LRRIQ3: variants seen among roughly 807,000 people sequenced by gnomAD.
The protein encoded by LRRIQ3 is leucine-rich repeat and IQ domain-containing protein 3.
Under a neutral mutation model 59.3 loss-of-function variants are expected in LRRIQ3, and 75 were observed. The observed-to-expected ratio is 1.26, with a 90% CI of 1.05 to 1.53. LRRIQ3 has a LOEUF of 1.53. Ranked by LOEUF, LRRIQ3 falls within the 40% of genes most tolerant of loss-of-function variation. LRRIQ3 has a pLI of 0.00. For synonymous variants in LRRIQ3, 250 were observed against 231.3 expected (o/e 1.08, Z -0.73); for missense variants, 831 against 710.0 (o/e 1.17, Z -1.94).
chr1:74,176,712 G>A (rs912031820), intron 3 of LRRIQ3, among the ~76,000 whole-genome samples: 5 of 152,044 alleles, frequency 3.3e-5, no homozygotes, highest in African/African-American at 1.2e-4. Context: ...AGCTTTAGGG[G>A]TAGCCTTGTT....
chr1:74,162,731 G>A (rs1164473934), intron 3 of LRRIQ3, among the ~76,000 whole-genome samples: 3 of 151,478 alleles, frequency 2.0e-5, no homozygotes, highest in Admixed American at 6.6e-5. Context: ...TTAGTTCTAC[G>A]ATCTAGTCCA....
rs183053174 is a variant in LRRIQ3 at position 74,184,714 on chromosome 1, G to T, written c.1-1030C>A. 1.2e-3 allele frequency among the ~76,000 whole-genome samples: 183 copies of T among 152,242 alleles called. 1 individual carries two copies. Among genetic ancestry groups the T allele is most frequent in the African/African-American group, 4.3e-3 (180 of 41,554 alleles). On this transcript the variant is annotated intron_variant, in intron 1 of 7. Transcript: ENST00000354431. ...CTGTATCAGAATTTCTGGGCTAAGG[G>T]CATAGGAATAATGTTAACAGGTGAT...
intron 4 of LRRIQ3, among the ~76,000 whole-genome samples, chr1:74,136,624 A>T (rs1312467023): frequency 6.6e-6 from 1 of 152,022 alleles, no homozygotes; most frequent in Non-Finnish European, 1.5e-5. Context: ...TAATGTGAGC[A>T]TTAATGAGTT....
rs1570271788 is a variant in LRRIQ3 at position 74,182,318 on chromosome 1, A to C, written c.573+220T>G. ...TTAAAAAACAAAAATTTGTTTCTCT[A>C]CAATTTGATCATTTCAGGCTTTGTT... On this transcript the variant is annotated intron_variant, in intron 3 of 7. Transcript: ENST00000354431. The C allele has an allele frequency of 1.4e-5, 4 of 281,932 alleles. No homozygotes were observed. The East Asian group carries it at 2.5e-4, about 17-fold the overall frequency. 17.5% of individuals were successfully genotyped at this position (281,932 alleles called of 1,614,324 possible). A position where few individuals can be genotyped will look rare whatever the true frequency, so the allele number is the denominator to read the frequency against.
At chr1:74,101,061 G>A (rs959247278) in intron 5 of LRRIQ3, among the ~76,000 whole-genome samples, 6 of 152,088 alleles carry the variant, frequency 3.9e-5, no homozygotes, top group Non-Finnish European at 5.9e-5. Context: ...TGACAAATGG[G>A]ATCTAATTGA....
chr1:74,109,093 T>G (rs1458871735), intron 5 of LRRIQ3: 1 of 192,904 alleles, frequency 5.2e-6, no homozygotes. Flanking sequence ...ATTTATGTTT[T>G]CAATCACTGA....
At chr1:74,091,083 TG>T (rs560790004) in intron 5 of LRRIQ3, among the ~76,000 whole-genome samples, 366 of 152,202 alleles carry the variant, frequency 2.4e-3, no homozygotes, top group Non-Finnish European at 4.1e-3. Flanking sequence ...ATAACTTTGG[TG>T]GCTCAAGGAG....
At chr1:74,087,667 T>G (rs1646343704) in intron 5 of LRRIQ3, among the ~76,000 whole-genome samples, 1 of 152,116 alleles carries the variant, frequency 6.6e-6, no homozygotes, top group African/African-American at 2.4e-5. Context: ...TTGATACTTA[T>G]ATCTATAAAT....
intron 5 of LRRIQ3, 110 bp downstream of exon 5, chr1:74,109,284 T>C: frequency 1.3e-6 from 1 of 781,828 alleles, no homozygotes; most frequent in Non-Finnish European, 2.1e-6. Context: ...ATATTAACAA[T>C]GTAATGAAGG....
chr1:74,059,063 G>A (rs1248699175), intron 6 of LRRIQ3, among the ~76,000 whole-genome samples: 1 of 151,690 alleles, frequency 6.6e-6, no homozygotes, highest in Admixed American at 6.6e-5. Flanking sequence ...GGCCAAAGAT[G>A]TTGTAAGATA....
In LRRIQ3 at chr1:74,026,411, C is replaced by G. The variant is rs1488605985; in HGVS notation, c.*402G>C. The G allele has an allele frequency of 6.5e-6, 1 of 153,732 alleles. No individual in the cohort carries two copies. The highest frequency in any genetic ancestry group is 2.4e-5 in the African/African-American group (1 of 41,440). 9.5% of individuals were successfully genotyped at this position (153,732 alleles called of 1,614,324 possible). A position where few individuals can be genotyped will look rare whatever the true frequency, so the allele number is the denominator to read the frequency against. ...AAAAGCAGGTAATAAAAGTCATCAA[C>G]GTACACAGTGTCTTAATAAAAGTCA... On this transcript the variant is annotated 3_prime_UTR_variant, in exon 8 of 8. Transcript: ENST00000354431.
At chr1:74,064,717 T>C (rs1654820921) in intron 6 of LRRIQ3, among the ~76,000 whole-genome samples, 1 of 152,058 alleles carries the variant, frequency 6.6e-6, no homozygotes, top group Admixed American at 6.6e-5. Context: ...TTTAAGAATC[T>C]TGGTTGATAG....
chr1:74,086,915 T>A (rs964116989), intron 5 of LRRIQ3, among the ~76,000 whole-genome samples: 1 of 152,088 alleles, frequency 6.6e-6, no homozygotes, highest in Non-Finnish European at 1.5e-5. Flanking sequence ...TTCTACACTA[T>A]CTTGTCATCT....
chr1:74,098,979 A>G (rs1373208586), intron 5 of LRRIQ3, among the ~76,000 whole-genome samples: 1 of 152,210 alleles, frequency 6.6e-6, no homozygotes, highest in Admixed American at 6.5e-5. Context: ...ACACCCGAAC[A>G]TCACAATGAA....
chr1:74,187,353 TACACAC>T (rs58321456), intron 1 of LRRIQ3, among the ~76,000 whole-genome samples: 2,883 of 55,324 alleles, frequency 0.052, 38 homozygotes, highest in Middle Eastern at 0.11. Flanking sequence ...GGTATATGTT[TACACAC>T]ACACACACAC....
intron 7 of LRRIQ3, among the ~76,000 whole-genome samples, chr1:74,040,828 T>C (rs1654021533): frequency 1.3e-5 from 2 of 152,064 alleles, no homozygotes; most frequent in African/African-American, 2.4e-5. Flanking sequence ...ATACCTACAT[T>C]GGAAAGCTGG....
At chr1:74,098,165 C>T (rs1646475062) in intron 5 of LRRIQ3, among the ~76,000 whole-genome samples, 1 of 136,360 alleles carries the variant, frequency 7.3e-6, no homozygotes. Flanking sequence ...AGACTCATCT[C>T]ACATGCAGAG....
At chr1:74,144,549 T>TA (rs5775227) in intron 4 of LRRIQ3, 38,084 of 139,798 alleles carry the variant, frequency 0.27, 5,860 homozygotes, top group Non-Finnish European at 0.34. Flanking sequence ...TAACAGTCTG[T>TA]AAAAAAAAAA....
Position 74,119,485 on chromosome 1 carries a change from A to G in LRRIQ3, c.708-9932T>C, listed in dbSNP as rs76049190. Among the ~76,000 whole-genome samples, 19 of 152,166 alleles carry G rather than the reference A, an allele frequency of 1.2e-4. No homozygotes were observed. In the East Asian group the frequency reaches 3.7e-3, roughly 29 times the overall value. On this transcript the variant is annotated intron_variant, in intron 4 of 7. Coordinates refer to ENST00000354431, the MANE Select transcript of LRRIQ3 (RefSeq NM_001105659.2). ...TATTCTTTTGAAAGTAGTTAAATAC[A>G]TTTTCTCCATATATAGGTCACTTAC...
Sources: gnomAD v4.1 joint callset for allele counts (sites outside exome capture counted in the v4.1 genomes callset) on GRCh38, gnomAD v4.1.1 for gene constraint, MANE v1.5 for transcripts, NCBI Gene and HGNC (gene_info 2026-07-23, HGNC 2026-07-21) for gene names.